The following DOCK3 variants were observed in gnomAD, a reference collection of about 807,000 sequenced individuals.
The protein encoded by DOCK3 is dedicator of cytokinesis protein 3.
DOCK3 carries 60 observed loss-of-function variants against 265.6 expected under a neutral mutation model. The observed-to-expected ratio is 0.23, with a 90% CI of 0.18 to 0.28. The LOEUF is 0.28. DOCK3 is among the 10% of genes least tolerant of loss of function. The pLI, the probability that DOCK3 is intolerant of heterozygous loss-of-function variation, is 1.00. For missense variants in DOCK3, 1,981 were observed against 2,594.3 expected, an observed-to-expected ratio of 0.76 and a Z score of 5.14; for synonymous variants, 881 against 938.0, an observed-to-expected ratio of 0.94 and a Z score of 1.11.
chr3:51,108,335 A>G (rs918899350), intron 9 of DOCK3, among the ~76,000 whole-genome samples: 7 of 152,186 alleles, frequency 4.6e-5, no homozygotes, highest in South Asian at 4.1e-4. Context: ...CAGGCAAGCA[A>G]ATGCTGAGGA....
At chr3:50,680,864 A>G (rs2034362184) in intron 1 of DOCK3, among the ~76,000 whole-genome samples, 1 of 151,800 alleles carries the variant, frequency 6.6e-6, no homozygotes, top group East Asian at 1.9e-4. Context: ...TATATTCTGT[A>G]TATTAGTCCC....
intron 1 of DOCK3, among the ~76,000 whole-genome samples, chr3:50,741,115 T>A (rs1396553029): frequency 6.6e-6 from 1 of 151,604 alleles, no homozygotes; most frequent in Non-Finnish European, 1.5e-5. Flanking sequence ...TAGAGCTTCA[T>A]TATTTTTTTG....
At chr3:51,300,750 G>A (rs1433052951) in intron 27 of DOCK3, among the ~76,000 whole-genome samples, 2 of 152,220 alleles carry the variant, frequency 1.3e-5, no homozygotes, top group Non-Finnish European at 2.9e-5. Flanking sequence ...CAGGGATGAA[G>A]CCAACCTGAT....
In DOCK3 at chr3:51,186,923, C is replaced by G. The variant is rs149344154; in HGVS notation, c.1038-21851C>G. Among the ~76,000 whole-genome samples, 417 of 152,340 alleles carry G rather than the reference C, an allele frequency of 2.7e-3. 1 individual carries two copies. The highest frequency in any genetic ancestry group is 9.6e-3 in the African/African-American group (400 of 41,578). Reference sequence around the variant, plus strand: ...AGAAGTTTGCTTCAGGGGCAGGGCTCTCATGGAGAACCTCTGCTAGGGCAG... The same window carrying G: ...AGAAGTTTGCTTCAGGGGCAGGGCTGTCATGGAGAACCTCTGCTAGGGCAG... On this transcript the variant is annotated intron_variant, in intron 12 of 52. Transcript: ENST00000266037.
rs565271113 is a variant in DOCK3 at position 51,382,931 on chromosome 3, G to T, written c.*1372G>T. 1 of 152,316 alleles carries T rather than the reference G, an allele frequency of 6.6e-6. No homozygotes were observed. The highest frequency in any genetic ancestry group is 2.1e-4 in the South Asian group (1 of 4,818). The allele number at this position is 152,316 out of a possible 1,614,324, so 9.4% of individuals were successfully genotyped here. A position where few individuals can be genotyped will look rare whatever the true frequency, so the allele number is the denominator to read the frequency against. On this transcript the variant is annotated 3_prime_UTR_variant, in exon 53 of 53. Coordinates refer to ENST00000266037, the MANE Select transcript of DOCK3 (RefSeq NM_004947.5). ...GTGGGTATAGTAGTACTTTACCAGG[G>T]TGCTTTTAAGTTACTTTAAAAAAAG...
intron 8 of DOCK3, 115 bp from the exon 9 acceptor site, chr3:51,090,115 C>G (rs1047003418): frequency 6.2e-5 from 74 of 1,189,584 alleles, no homozygotes; most frequent in Non-Finnish European, 7.9e-5. Flanking sequence ...TTCAGTTTCT[C>G]AAATAATCTC....
At chr3:50,851,147 A>T (rs1016798581) in intron 3 of DOCK3, among the ~76,000 whole-genome samples, 2 of 152,222 alleles carry the variant, frequency 1.3e-5, no homozygotes, top group African/African-American at 4.8e-5. Context: ...AATTCTCTGC[A>T]CATGAATGGT....
intron 40 of DOCK3, among the ~76,000 whole-genome samples, chr3:51,351,225 T>C (rs563775742): frequency 7.2e-5 from 11 of 152,318 alleles, no homozygotes; most frequent in Admixed American, 7.2e-4. Context: ...ACCTAATTGC[T>C]AATCGCTGAT....
intron 1 of DOCK3, among the ~76,000 whole-genome samples, chr3:50,740,081 C>A (rs933821421): frequency 2.0e-5 from 3 of 152,124 alleles, no homozygotes; most frequent in Non-Finnish European, 4.4e-5. Context: ...TATTACTTTG[C>A]ATCTTCTAAG....
chr3:50,768,132 G>A (rs2041025290), intron 1 of DOCK3, among the ~76,000 whole-genome samples: 1 of 152,040 alleles, frequency 6.6e-6, no homozygotes, highest in African/African-American at 2.4e-5. Flanking sequence ...GATTGCCCTG[G>A]CCAGAACTTC....
At chr3:50,956,046 A>C (rs377661590) in intron 5 of DOCK3, among the ~76,000 whole-genome samples, 14 of 147,366 alleles carry the variant, frequency 9.5e-5, no homozygotes, top group African/African-American at 3.5e-4. Context: ...ACTGCTTCTT[A>C]TTTTCTGTGT....
At position 51,280,192 on chromosome 3, in the gene DOCK3, A is replaced by G. The variant is rs769731669; in HGVS notation, c.2910A>G (p.Lys970=). ...FQHLLDNFQS[K]DELKEFLLKI... ...ACCTCCTGGACAACTTCCAGAGCAA[A>G]GATGAACTCAAGGTAGGCAGTAGAA... The change falls in exon 27 of 53, where the codon AAA becomes AAG. Residue 970 remains lysine (K), a synonymous_variant. Coordinates refer to ENST00000266037, the MANE Select transcript of DOCK3 (RefSeq NM_004947.5). 1.2e-6 allele frequency: 2 copies of G among 1,613,600 alleles called. No individual in the cohort carries two copies. The highest frequency in any genetic ancestry group is 1.1e-5 in the South Asian group (1 of 90,996).
chr3:50,735,118 A>G (rs956416525), intron 1 of DOCK3, among the ~76,000 whole-genome samples: 1 of 151,872 alleles, frequency 6.6e-6, no homozygotes, highest in Non-Finnish European at 1.5e-5. Flanking sequence ...TTCTTTTGGA[A>G]CTTTGATTAT....
chr3:50,831,369 C>T (rs2045156360), intron 2 of DOCK3, among the ~76,000 whole-genome samples: 1 of 151,990 alleles, frequency 6.6e-6, no homozygotes, highest in African/African-American at 2.4e-5. Context: ...CTAATGCTAT[C>T]CCTTCCCTAG....
At chr3:51,349,038 A>G in intron 39 of DOCK3, 100 bp downstream of exon 39, 1 of 1,163,670 alleles carries the variant, frequency 8.6e-7, no homozygotes, top group South Asian at 1.4e-5. Flanking sequence ...TGTGGACAAT[A>G]CAAGAGAAAC....
intron 4 of DOCK3, among the ~76,000 whole-genome samples, chr3:50,925,200 A>G (rs756883966): frequency 2.8e-4 from 42 of 152,236 alleles, no homozygotes; most frequent in Non-Finnish European, 4.4e-4. Context: ...ATTTTTGGCT[A>G]TATGAGTGAT....
intron 5 of DOCK3, among the ~76,000 whole-genome samples, chr3:51,037,247 T>G (rs2080305028): frequency 6.6e-6 from 1 of 152,182 alleles, no homozygotes; most frequent in Non-Finnish European, 1.5e-5. Context: ...AACAGTACTT[T>G]AGAAGTCTCC....
intron 1 of DOCK3, among the ~76,000 whole-genome samples, chr3:50,691,232 C>T (rs902622708): frequency 2.6e-4 from 39 of 149,242 alleles, no homozygotes; most frequent in Admixed American, 1.1e-3. Flanking sequence ...TGCAGTGAGC[C>T]GAGATCGCAT....
intron 13 of DOCK3, among the ~76,000 whole-genome samples, chr3:51,209,418 A>G (rs1343639430): frequency 6.6e-6 from 1 of 152,168 alleles, no homozygotes; most frequent in African/African-American, 2.4e-5. Context: ...CTCTGTTTAA[A>G]TAATTTCTAT....
Sources: allele counts gnomAD v4.1 joint callset (sites outside exome capture counted in the v4.1 genomes callset), GRCh38; gene constraint gnomAD v4.1.1; transcripts MANE v1.5; gene names NCBI Gene and HGNC (gene_info 2026-07-23, HGNC 2026-07-21).